The following COL23A1 variants were observed in gnomAD, a reference collection of about 807,000 sequenced individuals.
COL23A1 encodes collagen type XXIII alpha 1 chain, also known as collagen alpha-1(XXIII) chain.
COL23A1 carries 97 observed loss-of-function variants against 99.3 expected under a neutral mutation model. The ratio of observed to expected loss-of-function variants is 0.98; its 90% CI spans 0.83 to 1.16. The LOEUF (loss-of-function observed/expected upper bound fraction) is 1.16. Ranked by LOEUF, COL23A1 falls within the 50% of genes most tolerant of loss-of-function variation. The pLI, the probability that COL23A1 is intolerant of heterozygous loss-of-function variation, is 0.00. For missense variants in COL23A1, 762 were observed against 757.4 expected (o/e 1.01, Z -0.07); for synonymous variants, 320 against 308.2 (o/e 1.04, Z -0.40).
chr5:178,495,348 A>C (rs1300232804), intron 2 of COL23A1, among the ~76,000 whole-genome samples: 2 of 152,230 alleles, frequency 1.3e-5, no homozygotes, highest in Non-Finnish European at 1.5e-5. Context: ...GGTGAGAATC[A>C]TAAGTGATCA....
intron 12 of COL23A1, among the ~76,000 whole-genome samples, chr5:178,259,287 C>T (rs966818420): frequency 7.9e-5 from 12 of 151,966 alleles, no homozygotes; most frequent in Non-Finnish European, 1.2e-4. Flanking sequence ...GGAGAAGAGG[C>T]CGGGGAGGAT....
intron 2 of COL23A1, among the ~76,000 whole-genome samples, chr5:178,379,036 C>T (rs1763230440): frequency 6.6e-6 from 1 of 152,140 alleles, no homozygotes; most frequent in Non-Finnish European, 1.5e-5. Context: ...TGTGTTTATA[C>T]ATTTCACTGC....
chr5:178,470,762 A>G (rs1172191715), intron 2 of COL23A1, among the ~76,000 whole-genome samples: 3 of 149,296 alleles, frequency 2.0e-5, no homozygotes, highest in East Asian at 2.0e-4. Flanking sequence ...GGCACTTCCC[A>G]TAAGACACTG....
chr5:178,547,716 C>T, intron 2 of COL23A1, among the ~76,000 whole-genome samples: 1 of 18,422 alleles, frequency 5.4e-5, no homozygotes, highest in Non-Finnish European at 1.1e-4. Flanking sequence ...TACACACCCC[C>T]CACACCCACA....
intron 24 of COL23A1, 48 bp downstream of exon 24, chr5:178,246,206 T>G (rs772607697): frequency 1.3e-6 from 2 of 1,545,174 alleles, no homozygotes; most frequent in Non-Finnish European, 1.8e-6. Flanking sequence ...AGCGCCACCA[T>G]GACCAGGTGG....
At chr5:178,290,390 A>C (rs1417398282) in intron 3 of COL23A1, 21 bp from the exon 4 acceptor site, 1 of 1,614,098 alleles carries the variant, frequency 6.2e-7, no homozygotes, top group South Asian at 1.1e-5. Flanking sequence ...CAAGCAGAGA[A>C]GCCACAGTCA....
In COL23A1 at chr5:178,485,266, G is replaced by A. The variant is rs146702294; in HGVS notation, c.361+75416C>T. ...GAGGGCGGATCATTTGAGCTCAGGA[G>A]TTCGAGACCAGCCTGGCCAACATAG... On this transcript the variant is annotated intron_variant, in intron 2 of 28. Coordinates refer to ENST00000390654, the MANE Select transcript of COL23A1 (RefSeq NM_173465.4). Among the ~76,000 whole-genome samples, 967 of 151,578 alleles carry A rather than the reference G, an allele frequency of 6.4e-3. 13 individuals are homozygous for A. Among genetic ancestry groups the A allele is most frequent in the African/African-American group, 0.022 (921 of 41,284 alleles).
chr5:178,358,870 T>C (rs1762025834), intron 2 of COL23A1, among the ~76,000 whole-genome samples: 1 of 152,198 alleles, frequency 6.6e-6, no homozygotes, highest in Non-Finnish European at 1.5e-5. Flanking sequence ...TGCCTGTTTA[T>C]AAAGGTTCCT....
chr5:178,301,819 C>A (rs1271162254), intron 3 of COL23A1, among the ~76,000 whole-genome samples: 1 of 151,994 alleles, frequency 6.6e-6, no homozygotes, highest in Non-Finnish European at 1.5e-5. Context: ...AGCACGGCTT[C>A]AATGCTGCAC....
chr5:178,275,296 C>G (rs1198208559), intron 5 of COL23A1, among the ~76,000 whole-genome samples: 1 of 152,248 alleles, frequency 6.6e-6, no homozygotes, highest in African/African-American at 2.4e-5. Flanking sequence ...TGCCCTGGCC[C>G]TGGGGGACAG....
At chr5:178,394,354 C>A (rs968389840) in intron 2 of COL23A1, among the ~76,000 whole-genome samples, 5 of 152,210 alleles carry the variant, frequency 3.3e-5, no homozygotes, top group African/African-American at 4.8e-5. Flanking sequence ...GAGCCACTCC[C>A]AGCTGGAGAA....
At chr5:178,546,082 T>A (rs1317580533) in intron 2 of COL23A1, among the ~76,000 whole-genome samples, 1 of 150,670 alleles carries the variant, frequency 6.6e-6, no homozygotes, top group Non-Finnish European at 1.5e-5. Flanking sequence ...GTGCTCACCC[T>A]ATGTCTCAGC....
chr5:178,485,791 A>AC (rs1165724183), intron 2 of COL23A1, among the ~76,000 whole-genome samples: 10 of 151,458 alleles, frequency 6.6e-5, no homozygotes, highest in African/African-American at 2.4e-4. Flanking sequence ...AAAAAAAAAA[A>AC]AAAAAAACAC....
intron 5 of COL23A1, among the ~76,000 whole-genome samples, chr5:178,275,136 G>A (rs946296072): frequency 1.3e-5 from 2 of 152,210 alleles, no homozygotes; most frequent in South Asian, 4.1e-4. Context: ...GGGTGTCCCC[G>A]AGCCTCAGTT....
intron 2 of COL23A1, among the ~76,000 whole-genome samples, chr5:178,542,667 T>A (rs1469584458): frequency 6.7e-6 from 1 of 148,480 alleles, no homozygotes; most frequent in Non-Finnish European, 1.5e-5. Context: ...ATACCAGAGC[T>A]CTAGACAGAA....
chr5:178,289,308 C>T (rs993152630), intron 4 of COL23A1, among the ~76,000 whole-genome samples: 2 of 152,220 alleles, frequency 1.3e-5, no homozygotes, highest in Non-Finnish European at 2.9e-5. Flanking sequence ...ATTTACCGGG[C>T]TCTGAAAAAC....
intron 6 of COL23A1, among the ~76,000 whole-genome samples, chr5:178,269,795 G>GCATCCATCCATC (rs112165051): frequency 0.028 from 3,932 of 141,986 alleles, 117 homozygotes; most frequent in Middle Eastern, 0.077. Context: ...TATCCAGTCA[G>GCATCCATCCATC]CATCCATCCA....
At chr5:178,330,765 C>A (rs1283915142) in intron 2 of COL23A1, among the ~76,000 whole-genome samples, 1 of 152,204 alleles carries the variant, frequency 6.6e-6, no homozygotes. Flanking sequence ...CCCAGTGAAC[C>A]ACTAGGACCT....
chr5:178,385,374 C>T (rs970786152), intron 2 of COL23A1, among the ~76,000 whole-genome samples: 2 of 152,182 alleles, frequency 1.3e-5, no homozygotes, highest in Admixed American at 6.5e-5. Context: ...CAGGCCCACA[C>T]GTCTTCATGT....
Sources: gnomAD v4.1 joint callset for allele counts (sites outside exome capture counted in the v4.1 genomes callset) on GRCh38, gnomAD v4.1.1 for gene constraint, MANE v1.5 for transcripts, NCBI Gene and HGNC (gene_info 2026-07-23, HGNC 2026-07-21) for gene names.